PDE4D: variants seen among roughly 807,000 people sequenced by gnomAD.
The protein encoded by PDE4D is phosphodiesterase 4D, also known as 3',5'-cyclic-AMP phosphodiesterase 4D.
PDE4D carries 24 observed loss-of-function variants against 87.4 expected under a neutral mutation model. That is an observed-to-expected ratio of 0.27 (90% confidence interval 0.20 to 0.39). The LOEUF is 0.39. Ranked by LOEUF, PDE4D falls within the 10% of genes least tolerant of loss-of-function variation. The pLI, the probability that PDE4D is intolerant of heterozygous loss-of-function variation, is 1.00. For synonymous variants in PDE4D, 384 were observed against 383.2 expected (o/e 1.00, Z -0.02); for missense variants, 714 against 1,041.0 (o/e 0.69, Z 4.32).
At chr5:59,646,415 C>T (rs555069788) in intron 1 of PDE4D, among the ~76,000 whole-genome samples, 2 of 152,220 alleles carry the variant, frequency 1.3e-5, no homozygotes, top group South Asian at 2.1e-4. Flanking sequence ...CTGTTGGATA[C>T]TCAGAAATAT....
At position 60,054,104 on chromosome 5, in the gene PDE4D, A is replaced by C. The variant is rs370403020; in HGVS notation, c.43-65387T>G. Among the ~76,000 whole-genome samples, 17 of 152,306 alleles carry C rather than the reference A, an allele frequency of 1.1e-4. No homozygotes were observed. In the East Asian group the frequency reaches 1.9e-3, roughly 17 times the overall value. On this transcript the variant is annotated intron_variant, in intron 2 of 16. Coordinates refer to the PDE4D transcript ENST00000502484. ...TGTTGGTGGGAGTGTAAATTAGTTCAACCATTGTGGAAGATAGTGTGGCAA... is the reference window on the plus strand; with the variant it reads ...TGTTGGTGGGAGTGTAAATTAGTTCCACCATTGTGGAAGATAGTGTGGCAA...
chr5:59,972,702 C>T (rs1448998756), intron 3 of PDE4D, among the ~76,000 whole-genome samples: 1 of 152,164 alleles, frequency 6.6e-6, no homozygotes, highest in Non-Finnish European at 1.5e-5. Context: ...TAACAGTTCA[C>T]TTATCAAGGT....
At chr5:58,980,419 T>TAAAC (rs1168160330) in intron 11 of PDE4D, among the ~76,000 whole-genome samples, 3 of 152,118 alleles carry the variant, frequency 2.0e-5, no homozygotes, top group African/African-American at 7.2e-5. Flanking sequence ...CAGTGAACAC[T>TAAAC]AAACATGAAC....
intron 1 of PDE4D, among the ~76,000 whole-genome samples, chr5:60,245,316 C>G (rs574724508): frequency 6.6e-6 from 1 of 151,686 alleles, no homozygotes. Flanking sequence ...AAAATGGAAC[C>G]CTTGTATGCT....
chr5:59,961,925 A>T (rs1759516362), intron 3 of PDE4D, among the ~76,000 whole-genome samples: 1 of 152,200 alleles, frequency 6.6e-6, no homozygotes, highest in African/African-American at 2.4e-5. Context: ...CAAAATTTGC[A>T]AAAGTAAAAT....
intron 1 of PDE4D, among the ~76,000 whole-genome samples, chr5:60,237,616 G>A (rs1193174621): frequency 6.6e-6 from 1 of 152,014 alleles, no homozygotes; most frequent in Non-Finnish European, 1.5e-5. Context: ...ATTAGATATG[G>A]TGGCAAAGGA....
intron 5 of PDE4D, among the ~76,000 whole-genome samples, chr5:59,077,823 G>A (rs536545725): frequency 6.8e-4 from 104 of 152,092 alleles, no homozygotes; most frequent in African/African-American, 2.5e-3. Context: ...CAACCTTCCA[G>A]CTCTAGATAA....
At chr5:59,688,145 C>G (rs12110087) in intron 1 of PDE4D, among the ~76,000 whole-genome samples, 12,982 of 152,150 alleles carry the variant, frequency 0.085, 1,726 homozygotes, top group African/African-American at 0.29. Flanking sequence ...CCACTGTCAA[C>G]ATCGGATAGA....
intron 2 of PDE4D, among the ~76,000 whole-genome samples, chr5:60,107,591 T>C (rs1464196217): frequency 2.6e-5 from 4 of 152,166 alleles, no homozygotes; most frequent in Admixed American, 6.5e-5. Context: ...TTGATGAACA[T>C]TGATGCAAAA....
chr5:59,294,549 C>T (rs1367202321), intron 1 of PDE4D, among the ~76,000 whole-genome samples: 1 of 152,144 alleles, frequency 6.6e-6, no homozygotes, highest in African/African-American at 2.4e-5. Context: ...TAAGTCCCAA[C>T]CTGGCCCTTA....
chr5:58,982,692 G>A (rs2153321823), intron 11 of PDE4D, among the ~76,000 whole-genome samples: 1 of 152,264 alleles, frequency 6.6e-6, no homozygotes, highest in Non-Finnish European at 1.5e-5. Flanking sequence ...TGCGCACTTA[G>A]CAATAGTCAT....
At chr5:60,318,660 G>A (rs1042871432) in intron 1 of PDE4D, among the ~76,000 whole-genome samples, 2 of 152,102 alleles carry the variant, frequency 1.3e-5, no homozygotes, top group African/African-American at 4.8e-5. Flanking sequence ...TCCTTCAGGA[G>A]CTCTTTTAGG....
At chr5:59,525,043 G>A (rs1812847224) in intron 1 of PDE4D, among the ~76,000 whole-genome samples, 1 of 152,240 alleles carries the variant, frequency 6.6e-6, no homozygotes, top group African/African-American at 2.4e-5. Flanking sequence ...TGGGGTGCAA[G>A]CTCCCACACA....
intron 2 of PDE4D, among the ~76,000 whole-genome samples, chr5:60,129,866 T>G (rs935987816): frequency 2.0e-5 from 3 of 152,184 alleles, no homozygotes; most frequent in Non-Finnish European, 4.4e-5. Context: ...GATGCAATAT[T>G]CTTTTTGACC....
chr5:60,156,101 G>C (rs895716924), intron 2 of PDE4D, among the ~76,000 whole-genome samples: 2 of 152,148 alleles, frequency 1.3e-5, no homozygotes, highest in African/African-American at 4.8e-5. Context: ...AGGGTAAGAG[G>C]CCAGGAAGAA....
At chr5:59,678,749 C>T (rs933398716) in intron 1 of PDE4D, among the ~76,000 whole-genome samples, 2 of 152,286 alleles carry the variant, frequency 1.3e-5, no homozygotes, top group Non-Finnish European at 2.9e-5. Flanking sequence ...GTGTGAGCCA[C>T]CGCACCTGGC....
chr5:59,822,524 G>T (rs1475332110), intron 1 of PDE4D, among the ~76,000 whole-genome samples: 1 of 152,156 alleles, frequency 6.6e-6, no homozygotes, highest in Non-Finnish European at 1.5e-5. Flanking sequence ...TAGAAAAAGT[G>T]AGTAGAGAGG....
intron 1 of PDE4D, among the ~76,000 whole-genome samples, chr5:60,338,911 T>C (rs1430749312): frequency 6.6e-6 from 1 of 152,176 alleles, no homozygotes. Flanking sequence ...GCAGGGCATA[T>C]GTTCCAGGAC....
intron 1 of PDE4D, among the ~76,000 whole-genome samples, chr5:59,334,099 C>A (rs1174634675): frequency 6.6e-6 from 1 of 151,762 alleles, no homozygotes; most frequent in Non-Finnish European, 1.5e-5. Flanking sequence ...AAAAGGCATA[C>A]AATCATTATA....
Sources: gnomAD v4.1 joint callset for allele counts (sites outside exome capture counted in the v4.1 genomes callset) on GRCh38, gnomAD v4.1.1 for gene constraint, MANE v1.5 for transcripts, NCBI Gene and HGNC (gene_info 2026-07-23, HGNC 2026-07-21) for gene names.